SLC22A2: variants seen among roughly 807,000 people sequenced by gnomAD.
SLC22A2 encodes organic cation transporter 2.
Under a neutral mutation model 60.5 loss-of-function variants are expected in SLC22A2, and 46 were observed. The ratio of observed to expected loss-of-function variants is 0.76; its 90% confidence interval spans 0.60 to 0.97. The LOEUF is 0.97. Among genes scored for constraint, SLC22A2 ranks in the 50% least tolerant of loss-of-function variants. The pLI is 0.00. For synonymous variants in SLC22A2, 303 were observed against 267.0 expected (o/e 1.13, Z -1.31); for missense variants, 701 against 706.6 (o/e 0.99, Z 0.09).
Position 160,247,352 on chromosome 6 carries a change from C to T in SLC22A2, c.843-54G>A, listed in dbSNP as rs1783112658. The T allele has an allele frequency of 5.4e-6, 5 of 921,712 alleles. No individual in the cohort carries two copies. In the Admixed American group the frequency reaches 9.3e-5, roughly 17 times the overall value. 57.1% of individuals were successfully genotyped at this position (921,712 alleles called of 1,614,324 possible). On this transcript the variant is annotated intron_variant, in intron 4 of 10. Transcript: ENST00000366953. ...TCTTACTGAATCCTCCTTACCCCAT[C>T]CCCCATTTTTTTATAATCAGATTTC...
At chr6:160,234,949 T>C (rs1263092558) in intron 9 of SLC22A2, among the ~76,000 whole-genome samples, 2 of 152,210 alleles carry the variant, frequency 1.3e-5, no homozygotes, top group Non-Finnish European at 2.9e-5. Context: ...TCTTGAACTT[T>C]CCTTTCTCTG....
intron 7 of SLC22A2, among the ~76,000 whole-genome samples, chr6:160,243,304 C>T (rs190267864): frequency 6.6e-6 from 1 of 151,958 alleles, no homozygotes; most frequent in Non-Finnish European, 1.5e-5. Context: ...AAGGCCCATG[C>T]TCTCTGCTCC....
At chr6:160,229,351 T>C (rs1782780008) in intron 9 of SLC22A2, among the ~76,000 whole-genome samples, 1 of 151,956 alleles carries the variant, frequency 6.6e-6, no homozygotes, top group Non-Finnish European at 1.5e-5. Flanking sequence ...GCATTTTATC[T>C]GTGGACCTGA....
chr6:160,245,627 T>TC (rs1783080884), intron 5 of SLC22A2, 82 bp from the exon 6 acceptor site: 1 of 709,566 alleles, frequency 1.4e-6, no homozygotes, highest in South Asian at 2.1e-5. Flanking sequence ...AATAATTTCT[T>TC]ACCGTCCTGA....
intron 10 of SLC22A2, chr6:160,218,379 C>A: frequency 2.7e-6 from 1 of 366,076 alleles, no homozygotes; most frequent in Admixed American, 3.8e-5. Flanking sequence ...GCAAGAACAG[C>A]AGCAACAGTA....
At chr6:160,256,048 C>T (rs1562439609) in intron 2 of SLC22A2, among the ~76,000 whole-genome samples, 3 of 152,088 alleles carry the variant, frequency 2.0e-5, no homozygotes, top group Admixed American at 6.5e-5. Flanking sequence ...CAGAGGTGGA[C>T]ATTTACCCCT....
In SLC22A2 at chr6:160,245,447, C is replaced by T. The variant is rs750805188; in HGVS notation, c.1056G>A (p.Met352Ile). Residue 352 changes from methionine (M) to isoleucine (I), a missense_variant, in exon 6 of 11, where the codon ATG (methionine) becomes ATA (isoleucine). Physicochemically the swap from Met to Ile is conservative, Grantham distance 10. Coordinates refer to ENST00000366953, the MANE Select transcript of SLC22A2 (RefSeq NM_003058.4). ...TGAAAAATATTCCTTACCAGTTGTA[C>T]ATCAATATCATAGTATGTTTCCTTA... is the stretch of plus-strand genomic sequence containing the variant. ...PQIRKHTMIL[M>I]YNWFTSSVLY... 4 of 1,552,450 alleles carry T rather than the reference C, an allele frequency of 2.6e-6. No individual in the cohort carries two copies. The highest frequency in any genetic ancestry group is 2.3e-5 in the South Asian group (2 of 86,306).
chr6:160,258,107 C>T (rs1783304766), intron 1 of SLC22A2: 5 of 537,018 alleles, frequency 9.3e-6, no homozygotes, highest in Non-Finnish European at 1.3e-5. Context: ...ATTGCTGGGA[C>T]ATGCACAAAC....
At position 160,224,929 on chromosome 6, in the gene SLC22A2, T is replaced by A. The variant is rs1782700266; in HGVS notation, c.1502-125A>T. ...TTTCTATACTTATTTACAGATTCCT[T>A]TGCCATCTCTGACTGCTGTATTTTC... On this transcript the variant is annotated intron_variant, in intron 9 of 10. Coordinates refer to ENST00000366953, the MANE Select transcript of SLC22A2 (RefSeq NM_003058.4). The A allele has an allele frequency of 8.2e-6, 4 of 487,602 alleles. No homozygotes were observed. In the South Asian group the frequency reaches 1.3e-4, roughly 16 times the overall value. 30.2% of individuals were successfully genotyped at this position (487,602 alleles called of 1,614,324 possible).
intron 9 of SLC22A2, among the ~76,000 whole-genome samples, chr6:160,238,924 G>A (rs1032527992): frequency 6.6e-6 from 1 of 152,042 alleles, no homozygotes; most frequent in Non-Finnish European, 1.5e-5. Context: ...CTTGGACAGG[G>A]GCTGGGTAAA....
intron 5 of SLC22A2, among the ~76,000 whole-genome samples, chr6:160,245,861 C>CTT (rs531474202): frequency 9.8e-5 from 12 of 122,264 alleles, no homozygotes; most frequent in Admixed American, 3.3e-4. Context: ...CAATGCCCAG[C>CTT]TTTTTTTTTT....
chr6:160,219,889 T>A (rs1244928122), intron 10 of SLC22A2, among the ~76,000 whole-genome samples: 1 of 152,268 alleles, frequency 6.6e-6, no homozygotes, highest in Non-Finnish European at 1.5e-5. Context: ...TTAAAAATGC[T>A]AACAATCATC....
intron 9 of SLC22A2, among the ~76,000 whole-genome samples, chr6:160,227,314 C>A (rs967723482): frequency 1.3e-5 from 2 of 152,180 alleles, no homozygotes; most frequent in African/African-American, 4.8e-5. Context: ...TTAACTCAGG[C>A]ACTCTTTTCT....
chr6:160,243,359 T>C (rs1020854575), intron 7 of SLC22A2, among the ~76,000 whole-genome samples: 1 of 152,018 alleles, frequency 6.6e-6, no homozygotes, highest in African/African-American at 2.4e-5. Context: ...AAGTCTCTCT[T>C]GTTACATCAC....
chr6:160,232,573 TA>T (rs35356995), intron 9 of SLC22A2, among the ~76,000 whole-genome samples: 3 of 149,644 alleles, frequency 2.0e-5, no homozygotes, highest in African/African-American at 5.0e-5. Context: ...AATGCCTCTT[TA>T]AAAAAAAAAC....
Position 160,243,762 on chromosome 6 carries a change from C to G in SLC22A2, c.1089G>C (p.Gln363His). The change falls in exon 7 of 11, where the codon CAG (glutamine) becomes CAC (histidine). Residue 363 changes from glutamine to histidine, a missense_variant. Gln to His is a conservative substitution (Grantham distance 24, BLOSUM62 0). Coordinates refer to ENST00000366953, the MANE Select transcript of SLC22A2 (RefSeq NM_003058.4). ...YNWFTSSVLY[Q>H]GLIMHMGLAG... ...CAAGGCCCATGTGCATGATGAGGCC[C>G]TGGTAGAGCACAGAGCTCGTGAACC... 1 of 1,613,766 alleles carries G rather than the reference C, an allele frequency of 6.2e-7. No individual in the cohort carries two copies. Among genetic ancestry groups the G allele is most frequent in the Non-Finnish European group, 8.5e-7 (1 of 1,179,878 alleles).
intron 2 of SLC22A2, among the ~76,000 whole-genome samples, chr6:160,253,355 T>C (rs1783218117): frequency 1.3e-5 from 2 of 152,218 alleles, no homozygotes; most frequent in Non-Finnish European, 2.9e-5. Flanking sequence ...AGGAAAAGGG[T>C]GGTAACTTCT....
chr6:160,226,914 C>A (rs1782733784), intron 9 of SLC22A2, among the ~76,000 whole-genome samples: 1 of 152,064 alleles, frequency 6.6e-6, no homozygotes, highest in African/African-American at 2.4e-5. Context: ...GCACAACTCA[C>A]CAGTGTTAAC....
intron 10 of SLC22A2, among the ~76,000 whole-genome samples, chr6:160,220,849 C>T (rs1430731776): frequency 6.6e-6 from 1 of 152,158 alleles, no homozygotes; most frequent in Non-Finnish European, 1.5e-5. Flanking sequence ...ATAAACCATG[C>T]TGTAAACAGA....
Sources: allele counts gnomAD v4.1 joint callset (sites outside exome capture counted in the v4.1 genomes callset), GRCh38; gene constraint gnomAD v4.1.1; transcripts MANE v1.5; gene names NCBI Gene and HGNC (gene_info 2026-07-23, HGNC 2026-07-21).